Variants in CASQ2 observed in about 807,000 individuals in gnomAD.
CASQ2 encodes calsequestrin-2.
A neutral mutation model predicts 46.5 loss-of-function variants in CASQ2; 49 were observed. The observed-to-expected ratio is 1.05, with a 90% CI of 0.84 to 1.34. The LOEUF is 1.34. CASQ2 is among the 40% of genes most tolerant of loss of function. The pLI is 0.00. For missense variants in CASQ2, 486 were observed against 481.3 expected (o/e 1.01, Z -0.09); for synonymous variants, 174 against 168.5 (o/e 1.03, Z -0.25).
intron 6 of CASQ2, 145 bp downstream of exon 6, chr1:115,726,847 T>G (rs577706885): frequency 3.0e-5 from 20 of 673,336 alleles, no homozygotes; most frequent in Non-Finnish European, 4.5e-5. Context: ...TCATTACTGA[T>G]CAACAAAGCC....
chr1:115,767,810 G>A (rs371970644), intron 1 of CASQ2, among the ~76,000 whole-genome samples: 44 of 152,244 alleles, frequency 2.9e-4, no homozygotes, highest in African/African-American at 1.0e-3. Flanking sequence ...GCTGACTGAC[G>A]CAAAACAAGA....
intron 1 of CASQ2, among the ~76,000 whole-genome samples, chr1:115,745,979 G>T (rs1319237368): frequency 6.6e-6 from 1 of 152,096 alleles, no homozygotes; most frequent in African/African-American, 2.4e-5. Context: ...CCACTGGTTC[G>T]TGTCCCTATC....
At chr1:115,767,767 T>C (rs938754006) in intron 1 of CASQ2, among the ~76,000 whole-genome samples, 2 of 152,044 alleles carry the variant, frequency 1.3e-5, no homozygotes, top group Non-Finnish European at 2.9e-5. Flanking sequence ...AATATGCTGC[T>C]CAGAAGATCT....
chr1:115,736,725 A>G (rs1181098206), intron 4 of CASQ2, among the ~76,000 whole-genome samples: 6 of 152,172 alleles, frequency 3.9e-5, no homozygotes, highest in Non-Finnish European at 4.4e-5. Context: ...GCAATATGTA[A>G]TATATTTCAT....
intron 10 of CASQ2, among the ~76,000 whole-genome samples, chr1:115,702,714 T>C (rs1413317107): frequency 6.6e-6 from 1 of 152,156 alleles, no homozygotes; most frequent in Admixed American, 6.5e-5. Context: ...GGCAAGAAAA[T>C]GTGCCCATGG....
intron 9 of CASQ2, 40 bp from the exon 10 acceptor site, chr1:115,703,035 G>A (rs763884719): frequency 1.4e-5 from 21 of 1,525,542 alleles, no homozygotes; most frequent in Admixed American, 5.3e-5. Context: ...GCAGGCAGAG[G>A]GCATTCTCTG....
rs1648328896 is a variant in CASQ2, at chr1:115,744,850, T to C, written c.297A>G (p.Glu99=). ...TACCCAGTTTCTTGGCAAGCTTGGC[T>C]TCTTTCTTGGCATCCACCATCACAA... ...IGFVMVDAKK[E]AKLAKKLGFD... is the part of the protein sequence containing the mutation. Residue 99 remains glutamate, a synonymous_variant, in exon 2 of 11, where the codon GAA becomes GAG. Transcript: ENST00000261448. 6.2e-7 allele frequency: 1 copy of C among 1,613,852 alleles called. No individual in the cohort carries two copies. The highest frequency in any genetic ancestry group is 8.5e-7 in the Non-Finnish European group (1 of 1,179,756).
intron 1 of CASQ2, among the ~76,000 whole-genome samples, chr1:115,753,294 G>T (rs534193588): frequency 1.3e-5 from 2 of 152,318 alleles, no homozygotes; most frequent in East Asian, 3.9e-4. Flanking sequence ...AGAAGGAAGA[G>T]AAAGAAGCCT....
In CASQ2 at chr1:115,741,078, A is replaced by G. The variant is rs7551633; in HGVS notation, c.320-250T>C. Among the ~76,000 whole-genome samples the G allele has an allele frequency of 0.71, 108,167 of 152,180 alleles. 42,170 individuals are homozygous for G. Among genetic ancestry groups the G allele is most frequent in the Non-Finnish European group, 0.88 (59,510 of 68,008 alleles). Reference sequence around the variant, plus strand: ...AAAAGAAAAGTCTATTCTCCACTCCACCACTGCTTTAGTTTTCCAAAAATA... The same window carrying G: ...AAAAGAAAAGTCTATTCTCCACTCCGCCACTGCTTTAGTTTTCCAAAAATA... On this transcript the variant is annotated intron_variant, in intron 2 of 10. Coordinates refer to ENST00000261448, the MANE Select transcript of CASQ2 (RefSeq NM_001232.4).
chr1:115,718,561 C>G (rs192011680), intron 7 of CASQ2, among the ~76,000 whole-genome samples: 5 of 152,236 alleles, frequency 3.3e-5, no homozygotes, highest in African/African-American at 9.6e-5. Context: ...GAAGTGGCCT[C>G]TAGGTGACTT....
At chr1:115,718,334 C>T (rs528007928) in intron 7 of CASQ2, among the ~76,000 whole-genome samples, 1 of 152,144 alleles carries the variant, frequency 6.6e-6, no homozygotes, top group Non-Finnish European at 1.5e-5. Context: ...AAGAATTTAC[C>T]ACTGGCAGAT....
At chr1:115,748,922 A>G (rs936332371) in intron 1 of CASQ2, among the ~76,000 whole-genome samples, 2 of 152,188 alleles carry the variant, frequency 1.3e-5, no homozygotes, top group Admixed American at 6.5e-5. Flanking sequence ...CAGGGACTAA[A>G]GTGGGGCTTC....
intron 1 of CASQ2, among the ~76,000 whole-genome samples, chr1:115,755,305 C>T (rs1027469890): frequency 6.6e-6 from 1 of 152,194 alleles, no homozygotes; most frequent in African/African-American, 2.4e-5. Context: ...AAAATGCAGT[C>T]TGGAAGCCCA....
chr1:115,734,621 T>C (rs555034515), intron 4 of CASQ2, among the ~76,000 whole-genome samples: 1 of 152,352 alleles, frequency 6.6e-6, no homozygotes, highest in South Asian at 2.1e-4. Context: ...AGCCTGTTCC[T>C]GGTCCCTTCC....
intron 4 of CASQ2, among the ~76,000 whole-genome samples, chr1:115,733,968 C>G (rs890255475): frequency 5.3e-5 from 8 of 152,134 alleles, no homozygotes; most frequent in Non-Finnish European, 1.0e-4. Flanking sequence ...TTCAAAAGCT[C>G]TCAGCCTAGA....
At chr1:115,707,959 C>T (rs1654412613) in intron 8 of CASQ2, among the ~76,000 whole-genome samples, 1 of 152,204 alleles carries the variant, frequency 6.6e-6, no homozygotes, top group Admixed American at 6.5e-5. Flanking sequence ...GGGACAGGAT[C>T]TGTGACCCAG....
chr1:115,762,419 C>T (rs1322746198), intron 1 of CASQ2, among the ~76,000 whole-genome samples: 3 of 152,184 alleles, frequency 2.0e-5, no homozygotes, highest in African/African-American at 4.8e-5. Context: ...GAAACACTCT[C>T]TAGCTGCCTG....
At chr1:115,763,605 C>A (rs998028112) in intron 1 of CASQ2, among the ~76,000 whole-genome samples, 1 of 152,150 alleles carries the variant, frequency 6.6e-6, no homozygotes, top group Non-Finnish European at 1.5e-5. Context: ...AAGAAGCTAG[C>A]ATTTGTTAAG....
intron 8 of CASQ2, among the ~76,000 whole-genome samples, chr1:115,717,397 C>T (rs899321249): frequency 2.6e-5 from 4 of 152,208 alleles, no homozygotes; most frequent in African/African-American, 9.7e-5. Flanking sequence ...CTCACGATTT[C>T]ATCCCCTTAC....
Sources: allele counts gnomAD v4.1 joint callset (sites outside exome capture counted in the v4.1 genomes callset), GRCh38; gene constraint gnomAD v4.1.1; transcripts MANE v1.5; gene names NCBI Gene and HGNC (gene_info 2026-07-23, HGNC 2026-07-21).